The following CCDC171 variants were observed in gnomAD, a reference collection of about 807,000 sequenced individuals.
CCDC171 encodes coiled-coil domain containing 171, also known as coiled-coil domain-containing protein 171.
In CCDC171, 177 loss-of-function variants were observed where a neutral mutation model predicts 168.2. That is an observed-to-expected ratio of 1.05 (90% confidence interval 0.93 to 1.19). CCDC171 has a LOEUF of 1.19. CCDC171 is among the 50% of genes most tolerant of loss of function. The pLI is 0.00. For synonymous variants in CCDC171, 687 were observed against 540.8 expected, an observed-to-expected ratio of 1.27 and a Z score of -3.75; for missense variants, 1,991 against 1,539.0, an observed-to-expected ratio of 1.29 and a Z score of -4.91.
intron 18 of CCDC171, among the ~76,000 whole-genome samples, chr9:15,761,321 AT>A (rs1283201508): frequency 1.3e-5 from 2 of 152,196 alleles, no homozygotes; most frequent in Non-Finnish European, 2.9e-5. Flanking sequence ...TCAACTCAAC[AT>A]TGAGGTTTCA....
intron 6 of CCDC171, among the ~76,000 whole-genome samples, chr9:15,608,429 A>C (rs918375693): frequency 6.6e-6 from 1 of 152,116 alleles, no homozygotes; most frequent in Non-Finnish European, 1.5e-5. Flanking sequence ...GGGTGTAACA[A>C]TTTCAAAGAA....
intron 24 of CCDC171, among the ~76,000 whole-genome samples, chr9:15,912,989 T>C (rs3008700): frequency 0.84 from 128,070 of 152,180 alleles, 54,052 homozygotes; most frequent in East Asian, 0.96. Context: ...GGATATTGGC[T>C]TGAAATTTTC....
At chr9:15,998,805 C>T (rs1445352320) in intron 3 of CCDC171, among the ~76,000 whole-genome samples, 2 of 152,104 alleles carry the variant, frequency 1.3e-5, no homozygotes, top group Non-Finnish European at 2.9e-5. Flanking sequence ...AGGAGAACTC[C>T]CTTCCCTCTT....
intron 3 of CCDC171, among the ~76,000 whole-genome samples, chr9:16,010,846 T>A (rs531336797): frequency 5.3e-5 from 8 of 151,600 alleles, no homozygotes; most frequent in South Asian, 4.2e-4. Flanking sequence ...TGGACATGGG[T>A]TAGTTTGCCC....
At chr9:15,840,320 A>G (rs1417827987) in intron 21 of CCDC171, among the ~76,000 whole-genome samples, 1 of 152,180 alleles carries the variant, frequency 6.6e-6, no homozygotes. Context: ...AACAGCATTT[A>G]AATTCTAAAT....
intron 18 of CCDC171, among the ~76,000 whole-genome samples, chr9:15,759,234 A>G (rs572442166): frequency 7.9e-4 from 121 of 152,342 alleles, no homozygotes; most frequent in Admixed American, 1.8e-3. Context: ...TAAAACTTAC[A>G]GAAAAGTGGC....
At chr9:15,592,765 G>T (rs1182448956) in intron 5 of CCDC171, among the ~76,000 whole-genome samples, 1 of 152,060 alleles carries the variant, frequency 6.6e-6, no homozygotes, top group Non-Finnish European at 1.5e-5. Flanking sequence ...TATTTCTTCA[G>T]CCAGTCAGCT....
In CCDC171 at chr9:15,779,215, T is replaced by G. The variant is rs7025415; in HGVS notation, c.3081+65T>G. On this transcript the variant is annotated intron_variant, in intron 20 of 25. Coordinates refer to ENST00000380701, the MANE Select transcript of CCDC171 (RefSeq NM_173550.4). Reference sequence around the variant, plus strand: ...ATATATTTCTTTATCTCTATATCCTTTTTTCCTTAACTTTTGTTATGTGTG... The same window carrying G: ...ATATATTTCTTTATCTCTATATCCTGTTTTCCTTAACTTTTGTTATGTGTG... 7.4e-3 allele frequency: 6,957 copies of G among 936,216 alleles called. 338 individuals are homozygous for G. In the African/African-American group the frequency reaches 0.1, roughly 14 times the overall value. The allele number at this position is 936,216 out of a possible 1,614,324, so 58.0% of individuals were successfully genotyped here. A position where few individuals can be genotyped will look rare whatever the true frequency, so the allele number is the denominator to read the frequency against.
intron 3 of CCDC171, among the ~76,000 whole-genome samples, chr9:15,988,597 C>G (rs1221933046): frequency 6.6e-6 from 1 of 152,144 alleles, no homozygotes; most frequent in Non-Finnish European, 1.5e-5. Flanking sequence ...GGGTGCAGCA[C>G]ACCCACCGAG....
At chr9:15,710,934 T>G (rs189149720) in intron 11 of CCDC171, among the ~76,000 whole-genome samples, 20 of 152,354 alleles carry the variant, frequency 1.3e-4, no homozygotes, top group Admixed American at 1.3e-3. Context: ...GAAATTTATT[T>G]GTTAAAAAAC....
intron 21 of CCDC171, among the ~76,000 whole-genome samples, chr9:15,784,933 A>C (rs544455568): frequency 1.3e-5 from 2 of 152,108 alleles, no homozygotes; most frequent in Admixed American, 6.6e-5. Flanking sequence ...TTCCAGTAAT[A>C]ATAACAATTA....
intron 8 of CCDC171, among the ~76,000 whole-genome samples, chr9:15,660,609 A>G (rs1364876102): frequency 6.6e-6 from 1 of 152,168 alleles, no homozygotes; most frequent in Non-Finnish European, 1.5e-5. Context: ...TGCTTAGGAT[A>G]AGGGCTTCCA....
chr9:15,880,626 G>GTTTTTTTTTTT, intron 24 of CCDC171, among the ~76,000 whole-genome samples: 1 of 116,120 alleles, frequency 8.6e-6, no homozygotes, highest in Non-Finnish European at 1.8e-5. Context: ...CCGCCTAATT[G>GTTTTTTTTTTT]TTTTTTTTTT....
At chr9:15,695,209 T>G in intron 10 of CCDC171, 26 bp from the exon 11 acceptor site, 1 of 1,479,830 alleles carries the variant, frequency 6.8e-7, no homozygotes. Context: ...CGTGACCTTA[T>G]GTGTAATTTT....
chr9:15,787,548 G>A (rs767636699), intron 21 of CCDC171, among the ~76,000 whole-genome samples: 5 of 147,956 alleles, frequency 3.4e-5, no homozygotes, highest in Admixed American at 6.8e-5. Context: ...CTGTTTCTCC[G>A]TCTCCTTTTG....
At chr9:15,704,552 G>A (rs781548598) in intron 11 of CCDC171, among the ~76,000 whole-genome samples, 1 of 152,114 alleles carries the variant, frequency 6.6e-6, no homozygotes, top group Admixed American at 6.5e-5. Flanking sequence ...AATTTATAGG[G>A]ACAGTAGCAA....
intron 21 of CCDC171, among the ~76,000 whole-genome samples, chr9:15,841,485 A>T (rs2060678079): frequency 6.6e-6 from 1 of 151,998 alleles, no homozygotes. Context: ...CCATTTATTT[A>T]ACCCTGAAAG....
At chr9:15,923,893 A>G (rs556358793) in intron 25 of CCDC171, among the ~76,000 whole-genome samples, 2 of 151,468 alleles carry the variant, frequency 1.3e-5, no homozygotes, top group East Asian at 3.9e-4. Context: ...TCATTGTCAT[A>G]AGATTGCAGC....
the CCDC171 span, among the ~76,000 whole-genome samples, chr9:16,067,350 T>C: frequency 6.6e-6 from 1 of 152,168 alleles, no homozygotes; most frequent in Admixed American, 6.5e-5. Flanking sequence ...TCATTGTAGA[T>C]TCTGGATATT....
Sources: allele counts gnomAD v4.1 joint callset (sites outside exome capture counted in the v4.1 genomes callset), GRCh38; gene constraint gnomAD v4.1.1; transcripts MANE v1.5; gene names NCBI Gene and HGNC (gene_info 2026-07-23, HGNC 2026-07-21).